The following CASR variants were observed in gnomAD, a reference collection of about 807,000 sequenced individuals.
The protein encoded by CASR is calcium sensing receptor.
Under a neutral mutation model 69.1 loss-of-function variants are expected in CASR, and 23 were observed. The observed-to-expected ratio is 0.33, with a 90% CI of 0.24 to 0.47. The LOEUF (loss-of-function observed/expected upper bound fraction) is 0.47. CASR is among the 20% of genes least tolerant of loss of function. CASR has a pLI of 1.00. For synonymous variants in CASR, 541 were observed against 544.7 expected (o/e 0.99, Z 0.10); for missense variants, 924 against 1,356.1 (o/e 0.68, Z 5.00).
chr3:122,203,569 A>G (rs2073978222), intron 1 of CASR, among the ~76,000 whole-genome samples: 1 of 152,176 alleles, frequency 6.6e-6, no homozygotes, highest in African/African-American at 2.4e-5. Context: ...ATAAAAGGCC[A>G]AAAAAAGGGT....
intron 4 of CASR, among the ~76,000 whole-genome samples, chr3:122,265,463 C>T (rs1166965458): frequency 1.3e-5 from 2 of 152,184 alleles, no homozygotes; most frequent in African/African-American, 4.8e-5. Flanking sequence ...CTTTGCTGTA[C>T]TCTAAGCTTC....
chr3:122,202,210 A>G (rs1178730189), intron 1 of CASR, among the ~76,000 whole-genome samples: 11 of 152,256 alleles, frequency 7.2e-5, no homozygotes, highest in Non-Finnish European at 1.5e-5. Context: ...CGCAGCTAGG[A>G]GCTGGAGACC....
At chr3:122,190,808 A>G (rs2073832748) in intron 1 of CASR, among the ~76,000 whole-genome samples, 1 of 152,224 alleles carries the variant, frequency 6.6e-6, no homozygotes, top group Non-Finnish European at 1.5e-5. Context: ...TCTTAATATT[A>G]ATTCATTTGA....
intron 3 of CASR, among the ~76,000 whole-genome samples, chr3:122,257,890 G>A (rs1347314620): frequency 1.3e-5 from 2 of 152,128 alleles, no homozygotes; most frequent in African/African-American, 2.4e-5. Context: ...TTCCAGAAAC[G>A]GAGAAAATTC....
At position 122,284,638 on chromosome 3, in the gene CASR, C is replaced by G. The variant is rs1553769171; in HGVS notation, c.2684C>G (p.Ser895Cys). 3.7e-6 allele frequency: 6 copies of G among 1,614,022 alleles called. No homozygotes were observed. Among genetic ancestry groups the G allele is most frequent in the Non-Finnish European group, 5.1e-6 (6 of 1,179,946 alleles). Residue 895 changes from serine to cysteine, a missense_variant, in exon 7 of 7, where the codon TCC (serine) becomes TGC (cysteine). By Grantham distance (112) the Ser-to-Cys change is moderately radical. This residue lies in a region of CASR where 201 missense variants were observed against 228.8 expected (regional missense o/e 0.88). Coordinates refer to ENST00000639785, the MANE Select transcript of CASR (RefSeq NM_000388.4). ...ARATLRRSNV[S>C]RKRSSSLGGS... ...GCCACGCTGCGCCGCAGCAACGTCT[C>G]CCGCAAGCGGTCCAGCAGCCTTGGA... is the stretch of plus-strand genomic sequence containing the variant.
At chr3:122,281,511 T>G (rs1340590204) in intron 5 of CASR, among the ~76,000 whole-genome samples, 2 of 152,248 alleles carry the variant, frequency 1.3e-5, no homozygotes, top group African/African-American at 2.4e-5. Context: ...TCTAAGAGGT[T>G]TTTTGTTACC....
rs1238533707 is a variant in CASR, at chr3:122,252,437, GAAAGAAAGAAAA to G, written c.-242-1507_-242-1496del. Among the ~76,000 whole-genome samples the G allele has an allele frequency of 2.6e-4, 21 of 81,106 alleles. No individual in the cohort carries two copies. The East Asian group carries it at 3.0e-3, about 12-fold the overall frequency. 53.2% of individuals were successfully genotyped at this position (81,106 alleles called of 152,430 possible). A position where few individuals can be genotyped will look rare whatever the true frequency, so the allele number is the denominator to read the frequency against. On this transcript the variant is annotated intron_variant, in intron 1 of 6. Transcript: ENST00000639785. ...AGAAAGAAAGAAAGAAAGAAAGAAA[GAAAGAAAGAAAA>G]AAAAGAAAAGAAAGAAAAGAAAAGA...
Position 122,291,268 on chromosome 3 carries a change from T to A in CASR, c.*6077T>A, listed in dbSNP as rs1367617391. ...CCAGTAATGGGATGGCTGGGTCAAA[T>A]GGTATTTCTAGTTCTAGATCCCTGA... is the stretch of plus-strand genomic sequence containing the variant. On this transcript the variant is annotated 3_prime_UTR_variant, in exon 7 of 7. Coordinates refer to ENST00000639785, the MANE Select transcript of CASR (RefSeq NM_000388.4). The A allele has an allele frequency of 6.6e-6, 1 of 151,698 alleles. No individual in the cohort carries two copies. The highest frequency in any genetic ancestry group is 1.5e-5 in the Non-Finnish European group (1 of 67,976). The allele number at this position is 151,698 out of a possible 1,614,324, so 9.4% of individuals were successfully genotyped here.
At chr3:122,277,810 A>G (rs1401938352) in intron 5 of CASR, among the ~76,000 whole-genome samples, 2 of 152,176 alleles carry the variant, frequency 1.3e-5, no homozygotes, top group East Asian at 3.8e-4. Context: ...TCTCCTGTAC[A>G]GTTCTCCATA....
chr3:122,240,117 T>C (rs746496052), intron 1 of CASR, among the ~76,000 whole-genome samples: 9 of 151,990 alleles, frequency 5.9e-5, no homozygotes, highest in Non-Finnish European at 1.0e-4. Flanking sequence ...AAGTCAAGGA[T>C]AAAAAAGGAT....
chr3:122,223,797 T>A (rs2074196717), intron 1 of CASR, among the ~76,000 whole-genome samples: 1 of 152,030 alleles, frequency 6.6e-6, no homozygotes, highest in Non-Finnish European at 1.5e-5. Flanking sequence ...TTCAACAAAA[T>A]ACTAACAAAC....
At chr3:122,247,009 G>C (rs965201354) in intron 1 of CASR, 1 of 152,050 alleles carries the variant, frequency 6.6e-6, no homozygotes, top group East Asian at 1.9e-4. Flanking sequence ...TTCATACCTG[G>C]GATTACAAAA....
chr3:122,265,033 C>T (rs906092701), intron 4 of CASR, among the ~76,000 whole-genome samples: 2 of 152,214 alleles, frequency 1.3e-5, no homozygotes, highest in African/African-American at 4.8e-5. Flanking sequence ...TTGCATAGGC[C>T]ATAGCCCACA....
chr3:122,208,096 A>G (rs1458181103), intron 1 of CASR, among the ~76,000 whole-genome samples: 4 of 152,114 alleles, frequency 2.6e-5, no homozygotes, highest in African/African-American at 9.6e-5. Flanking sequence ...TGAATAGTTC[A>G]TGTTATTTTT....
chr3:122,218,470 G>C (rs867023030), intron 1 of CASR, among the ~76,000 whole-genome samples: 3 of 148,720 alleles, frequency 2.0e-5, no homozygotes, highest in African/African-American at 7.4e-5. Context: ...GGAGGCAGAG[G>C]TTGCAGTGAG....
intron 1 of CASR, among the ~76,000 whole-genome samples, chr3:122,186,600 G>GCCA (rs1220662348): frequency 1.3e-5 from 2 of 152,162 alleles, no homozygotes; most frequent in African/African-American, 4.8e-5. Flanking sequence ...AGATGCTTTG[G>GCCA]GGTGGCAGCT....
intron 4 of CASR, among the ~76,000 whole-genome samples, chr3:122,273,868 A>G (rs1026745093): frequency 2.0e-5 from 3 of 152,172 alleles, no homozygotes; most frequent in Non-Finnish European, 2.9e-5. Flanking sequence ...TGGGGTAGAG[A>G]CAAAAGGATG....
At chr3:122,221,094 T>A (rs1289229173) in intron 1 of CASR, among the ~76,000 whole-genome samples, 1 of 152,218 alleles carries the variant, frequency 6.6e-6, no homozygotes, top group Non-Finnish European at 1.5e-5. Context: ...TGGCAGTTTA[T>A]CCCAACAATA....
At chr3:122,282,919 G>A (rs2074910280) in intron 6 of CASR, among the ~76,000 whole-genome samples, 1 of 152,166 alleles carries the variant, frequency 6.6e-6, no homozygotes, top group Non-Finnish European at 1.5e-5. Context: ...AAGTTGTATG[G>A]CCAGGATTCC....
Sources: gnomAD v4.1 joint callset for allele counts (sites outside exome capture counted in the v4.1 genomes callset) on GRCh38, gnomAD v4.1.1 for gene constraint, gnomAD v4.1.1 regional missense constraint, MANE v1.5 for transcripts, NCBI Gene and HGNC (gene_info 2026-07-23, HGNC 2026-07-21) for gene names.